Variants in COL5A1 observed in about 807,000 individuals in gnomAD.
The protein encoded by COL5A1 is collagen type V alpha 1 chain, also known as collagen alpha-1(V) chain.
COL5A1 carries 16 observed loss-of-function variants against 263.7 expected under a neutral mutation model. That is an observed-to-expected ratio of 0.06 (90% CI 0.04 to 0.09). The LOEUF (loss-of-function observed/expected upper bound fraction) is 0.09. Ranked by LOEUF, COL5A1 falls within the 10% of genes least tolerant of loss-of-function variation. COL5A1 has a pLI of 1.00. For synonymous variants in COL5A1, 1,012 were observed against 1,004.5 expected (o/e 1.01, Z -0.14); for missense variants, 2,036 against 2,540.5 (o/e 0.80, Z 4.27).
intron 27 of COL5A1, among the ~76,000 whole-genome samples, chr9:134,775,368 G>A (rs1248331465): frequency 6.6e-6 from 1 of 152,256 alleles, no homozygotes; most frequent in African/African-American, 2.4e-5. Context: ...GAGAAACAGA[G>A]TCTGTCTCCA....
rs1307272104 is a variant in COL5A1, at chr9:134,789,005, T to C, written c.2647-150T>C. ...GTAGGTGGATAGGTGAGAAGGTAGG[T>C]AGACAGGTAGGTGGGTGGTTGGGTG... On this transcript the variant is annotated intron_variant, in intron 31 of 65. Transcript: ENST00000371817. The surrounding 1 kb of genome is among the most constrained non-coding windows in gnomAD (Gnocchi z 4.8). 3.0e-6 allele frequency: 2 copies of C among 673,350 alleles called. No individual in the cohort carries two copies. The highest frequency in any genetic ancestry group is 2.3e-5 in the Admixed American group (1 of 42,998). The allele number at this position is 673,350 out of a possible 1,614,324, so 41.7% of individuals were successfully genotyped here. A position where few individuals can be genotyped will look rare whatever the true frequency, so the allele number is the denominator to read the frequency against.
intron 53 of COL5A1, among the ~76,000 whole-genome samples, chr9:134,817,509 C>T (rs1293673175): frequency 6.6e-6 from 1 of 152,222 alleles, no homozygotes; most frequent in Non-Finnish European, 1.5e-5. Flanking sequence ...TGCACTGCGC[C>T]TCCCCACGTG....
At chr9:134,768,308 G>T in intron 24 of COL5A1, 102 bp from the exon 25 acceptor site, 1 of 1,067,614 alleles carries the variant, frequency 9.4e-7, no homozygotes, top group Non-Finnish European at 1.5e-6. Context: ...CTCAGCAAAT[G>T]CTGTGTGGGC....
chr9:134,826,655 TGGTGGATG>T (rs1446359339), intron 63 of COL5A1, among the ~76,000 whole-genome samples: 3 of 104,064 alleles, frequency 2.9e-5, no homozygotes, highest in Admixed American at 2.5e-4. Context: ...TGCATGTGGC[TGGTGGATG>T]GGTGTGTGTA....
In COL5A1 at chr9:134,742,619, A is replaced by C. The variant is rs1481719380; in HGVS notation, c.1494+3811A>C. Among the ~76,000 whole-genome samples the C allele has an allele frequency of 6.6e-6, 1 of 152,186 alleles. No individual in the cohort carries two copies. Among genetic ancestry groups the C allele is most frequent in the Non-Finnish European group, 1.5e-5 (1 of 68,036 alleles). On this transcript the variant is annotated intron_variant, in intron 11 of 65. Transcript: ENST00000371817. The surrounding 1 kb of genome is among the most constrained non-coding windows in gnomAD (Gnocchi z 4.6). Reference sequence around the variant, plus strand: ...AACCCAAGAGAGCTGGGAGTCCCCAAGTGAGCTGCAGGCCAGGTGGCCGTT... The same window carrying C: ...AACCCAAGAGAGCTGGGAGTCCCCACGTGAGCTGCAGGCCAGGTGGCCGTT...
intron 4 of COL5A1, among the ~76,000 whole-genome samples, chr9:134,708,280 G>A (rs1293889787): frequency 6.6e-6 from 1 of 152,120 alleles, no homozygotes; most frequent in Non-Finnish European, 1.5e-5. Flanking sequence ...TCCATCACTG[G>A]CCAGGCAGCA....
At chr9:134,814,624 G>C (rs952056694) in intron 49 of COL5A1, among the ~76,000 whole-genome samples, 173 bp from the exon 50 acceptor site, 4 of 152,206 alleles carry the variant, frequency 2.6e-5, no homozygotes, top group Non-Finnish European at 5.9e-5. Flanking sequence ...GTGCACACAG[G>C]AGCTGATTCT....
intron 2 of COL5A1, chr9:134,691,972 A>T (rs995333582): frequency 1.3e-5 from 2 of 152,210 alleles, no homozygotes; most frequent in Admixed American, 1.3e-4. Flanking sequence ...TCGTGTCCCC[A>T]CGGGGCCCCT....
chr9:134,702,432 C>T lies in COL5A1; in HGVS notation c.654+1099C>T, dbSNP rs547034312. Among the ~76,000 whole-genome samples the T allele has an allele frequency of 3.9e-5, 6 of 152,138 alleles. No homozygotes were observed. The South Asian group carries it at 1.2e-3, about 32-fold the overall frequency. ...TGTGTCTACACATCGGTTCTGCATC[C>T]GGCTGCCCCCGTTTCATGGCTGAGG... On this transcript the variant is annotated intron_variant, in intron 4 of 65. Coordinates refer to ENST00000371817, the MANE Select transcript of COL5A1 (RefSeq NM_000093.5).
At chr9:134,829,713 C>T (rs1588608268) in intron 63 of COL5A1, among the ~76,000 whole-genome samples, 1 of 152,140 alleles carries the variant, frequency 6.6e-6, no homozygotes, top group East Asian at 1.9e-4. Flanking sequence ...CTCACGTGGC[C>T]TCTAGTCTCC....
chr9:134,708,146 G>T (rs3109687), intron 4 of COL5A1, among the ~76,000 whole-genome samples: 58,778 of 152,086 alleles, frequency 0.39, 12,292 homozygotes, highest in Admixed American at 0.57. Flanking sequence ...GGGCACATTT[G>T]GGGGGCTGGC....
In COL5A1 at chr9:134,647,427, T is replaced by C. The variant is rs543773298; in HGVS notation, c.109+5131T>C. ...CGTGTGCACGTGTGGACAATGTGTA[T>C]ATCTCCCCGCGATCTGCCTGCACAC... On this transcript the variant is annotated intron_variant, in intron 1 of 65. Coordinates refer to ENST00000371817, the MANE Select transcript of COL5A1 (RefSeq NM_000093.5). The surrounding 1 kb of genome is among the most constrained non-coding windows in gnomAD (Gnocchi z 5.0). Among the ~76,000 whole-genome samples the C allele has an allele frequency of 1.3e-4, 20 of 152,262 alleles. No homozygotes were observed. Among genetic ancestry groups the C allele is most frequent in the Middle Eastern group, 3.4e-3 (1 of 292 alleles).
At chr9:134,747,718 C>T (rs558717791) in intron 11 of COL5A1, among the ~76,000 whole-genome samples, 8 of 151,338 alleles carry the variant, frequency 5.3e-5, no homozygotes, top group African/African-American at 2.0e-4. Flanking sequence ...TTCATACACA[C>T]ATGCAGACAC....
chr9:134,792,526 G>T (rs1837730043), intron 32 of COL5A1, among the ~76,000 whole-genome samples: 1 of 152,226 alleles, frequency 6.6e-6, no homozygotes, highest in African/African-American at 2.4e-5. Context: ...CAGATCGCCT[G>T]GCTAATTTTT....
At chr9:134,743,452 G>T (rs1442575677) in intron 11 of COL5A1, among the ~76,000 whole-genome samples, 1 of 152,182 alleles carries the variant, frequency 6.6e-6, no homozygotes, top group Non-Finnish European at 1.5e-5. Context: ...GTAAAGTAGC[G>T]ATCTGCTTCT....
chr9:134,807,805 A>C (rs1408230985), intron 42 of COL5A1, among the ~76,000 whole-genome samples: 7 of 152,232 alleles, frequency 4.6e-5, no homozygotes, highest in African/African-American at 1.7e-4. Context: ...CTGTGCCAGA[A>C]AACTGAAGCC....
intron 4 of COL5A1, 78 bp downstream of exon 4, chr9:134,701,411 A>G (rs1833670593): frequency 4.7e-6 from 7 of 1,474,006 alleles, no homozygotes; most frequent in Non-Finnish European, 6.6e-6. Flanking sequence ...CTGTTGGAGG[A>G]GGCTCCTCGG....
rs542481696 is a variant in COL5A1 at position 134,820,282 on chromosome 9, G to T, written c.4554+59G>T. 9.4e-6 allele frequency: 13 copies of T among 1,383,396 alleles called. No homozygotes were observed. The South Asian group carries it at 1.0e-4, about 11-fold the overall frequency. 85.7% of individuals were successfully genotyped at this position (1,383,396 alleles called of 1,614,324 possible). A position where few individuals can be genotyped will look rare whatever the true frequency, so the allele number is the denominator to read the frequency against. On this transcript the variant is annotated intron_variant, in intron 58 of 65. Transcript: ENST00000371817. Reference sequence around the variant, plus strand: ...TCGAGAGGCATTTTAGATCCCTGGGGCAGGCACCCAGGGGACAGGAGGCCC... The same window carrying T: ...TCGAGAGGCATTTTAGATCCCTGGGTCAGGCACCCAGGGGACAGGAGGCCC...
chr9:134,701,713 G>A (rs548023053), intron 4 of COL5A1, among the ~76,000 whole-genome samples: 1 of 152,192 alleles, frequency 6.6e-6, no homozygotes, highest in Non-Finnish European at 1.5e-5. Flanking sequence ...AGGGGCAGCT[G>A]TCCTCTGGGT....
Sources: gnomAD v4.1 joint callset for allele counts (sites outside exome capture counted in the v4.1 genomes callset) on GRCh38, gnomAD v4.1.1 for gene constraint, Gnocchi (gnomAD v3.1) non-coding constraint, MANE v1.5 for transcripts, NCBI Gene and HGNC (gene_info 2026-07-23, HGNC 2026-07-21) for gene names.